The following LINGO2 variants were observed in gnomAD, a reference collection of about 807,000 sequenced individuals.
The protein encoded by LINGO2 is leucine-rich repeat and immunoglobulin-like domain-containing nogo receptor-interacting protein 2.
In LINGO2, 14 loss-of-function variants were observed where a neutral mutation model predicts 30.6. The ratio of observed to expected loss-of-function variants is 0.46; its 90% CI spans 0.30 to 0.72. The LOEUF is 0.72. Among genes scored for constraint, LINGO2 ranks in the 30% least tolerant of loss-of-function variants. The probability of loss-of-function intolerance (pLI) is 0.07; values close to 1 mark genes in which losing one functional copy is unlikely to be tolerated. For synonymous variants in LINGO2, 317 were observed against 288.5 expected (o/e 1.10, Z -1.00); for missense variants, 729 against 751.7 (o/e 0.97, Z 0.35).
chr9:28,265,969 A>G (rs142941810), intron 4 of LINGO2, among the ~76,000 whole-genome samples: 2 of 152,120 alleles, frequency 1.3e-5, no homozygotes, highest in South Asian at 4.1e-4. Context: ...AGAATCTGAG[A>G]TGATAAGGAT....
chr9:29,098,710 T>C, the LINGO2 span, among the ~76,000 whole-genome samples: 1 of 152,164 alleles, frequency 6.6e-6, no homozygotes, highest in Non-Finnish European at 1.5e-5. Flanking sequence ...ACTGCTGATA[T>C]TGTACTTTAT....
chr9:28,374,855 C>T (rs1009198935), intron 2 of LINGO2, among the ~76,000 whole-genome samples: 2 of 151,910 alleles, frequency 1.3e-5, no homozygotes, highest in Admixed American at 1.3e-4. Flanking sequence ...CAAATTGACC[C>T]ACCTCGACCA....
At chr9:28,466,928 T>C (rs550087725) in intron 2 of LINGO2, among the ~76,000 whole-genome samples, 12 of 152,208 alleles carry the variant, frequency 7.9e-5, no homozygotes, top group African/African-American at 2.6e-4. Context: ...CTAAAATTAT[T>C]GTTTATACAC....
At chr9:29,176,960 T>A in the LINGO2 span, among the ~76,000 whole-genome samples, 1 of 152,182 alleles carries the variant, frequency 6.6e-6, no homozygotes, top group East Asian at 1.9e-4. Context: ...GGATTGGGTG[T>A]TTTAGCCCTA....
chr9:28,239,386 A>C (rs905810107), intron 4 of LINGO2, among the ~76,000 whole-genome samples: 5 of 152,160 alleles, frequency 3.3e-5, no homozygotes, highest in Non-Finnish European at 7.4e-5. Context: ...AAAAATACTC[A>C]ACAAAATACT....
At chr9:28,154,021 A>G (rs1437744319) in intron 4 of LINGO2, among the ~76,000 whole-genome samples, 2 of 152,130 alleles carry the variant, frequency 1.3e-5, no homozygotes, top group Admixed American at 6.5e-5. Flanking sequence ...AATGCTTAGA[A>G]AGACTCATCA....
chr9:28,109,911 A>G (rs1826722640), intron 4 of LINGO2, among the ~76,000 whole-genome samples: 2 of 152,224 alleles, frequency 1.3e-5, no homozygotes. Flanking sequence ...TTTCATATGG[A>G]ACCAAAACAG....
chr9:27,981,451 T>C (rs2118905193), intron 5 of LINGO2, among the ~76,000 whole-genome samples: 1 of 148,674 alleles, frequency 6.7e-6, no homozygotes, highest in Admixed American at 6.8e-5. Flanking sequence ...CCTCACACTG[T>C]TCCCAGTGGC....
At chr9:28,343,412 T>C (rs944985231) in intron 3 of LINGO2, among the ~76,000 whole-genome samples, 2 of 152,202 alleles carry the variant, frequency 1.3e-5, no homozygotes, top group African/African-American at 2.4e-5. Context: ...GGTCTGCCTA[T>C]TCTGTATTGA....
the LINGO2 span, among the ~76,000 whole-genome samples, chr9:28,971,726 C>A: frequency 6.6e-6 from 1 of 152,208 alleles, no homozygotes; most frequent in Non-Finnish European, 1.5e-5. Flanking sequence ...GAACTTGGTG[C>A]CCTGAATGTA....
the LINGO2 span, among the ~76,000 whole-genome samples, chr9:29,187,214 G>A: frequency 6.6e-6 from 1 of 152,140 alleles, no homozygotes; most frequent in Admixed American, 6.5e-5. Flanking sequence ...TATAAGTCCA[G>A]TGAAATTCTA....
chr9:28,563,658 T>C, intron 1 of LINGO2, among the ~76,000 whole-genome samples: 1 of 150,868 alleles, frequency 6.6e-6, no homozygotes, highest in African/African-American at 2.5e-5. Context: ...AATTGATGAG[T>C]GCTTTCTCTG....
At chr9:29,117,137 C>A in the LINGO2 span, among the ~76,000 whole-genome samples, 2 of 152,084 alleles carry the variant, frequency 1.3e-5, no homozygotes, top group Non-Finnish European at 2.9e-5. Flanking sequence ...AGGTCAGATT[C>A]TCTGGAAGCA....
chr9:29,035,699 T>C, the LINGO2 span, among the ~76,000 whole-genome samples: 64 of 151,568 alleles, frequency 4.2e-4, no homozygotes, highest in Non-Finnish European at 7.8e-4. Flanking sequence ...GGAAAATAAA[T>C]GATGTTAAGA....
chr9:28,848,842 C>T, the LINGO2 span, among the ~76,000 whole-genome samples: 4 of 151,794 alleles, frequency 2.6e-5, no homozygotes, highest in South Asian at 8.3e-4. Flanking sequence ...CTCTCCTTCC[C>T]TCCTTCTATG....
chr9:28,647,124 T>C (rs914083030), intron 1 of LINGO2, among the ~76,000 whole-genome samples: 1 of 152,110 alleles, frequency 6.6e-6, no homozygotes, highest in South Asian at 2.1e-4. Flanking sequence ...ACTGCCATGA[T>C]TGATACCTGG....
downstream of LINGO2, chr9:27,943,811 A>G (rs913317387): frequency 1.3e-5 from 2 of 152,164 alleles, no homozygotes; most frequent in Non-Finnish European, 2.9e-5. Flanking sequence ...ATGTGGGGGA[A>G]TACCAAAGCT....
chr9:28,600,701 T>G (rs1285834779), intron 1 of LINGO2, among the ~76,000 whole-genome samples: 1 of 152,096 alleles, frequency 6.6e-6, no homozygotes, highest in Non-Finnish European at 1.5e-5. Context: ...GAAGCATTTT[T>G]AATAACTTAA....
chr9:28,331,387 A>G (rs1825413070), intron 3 of LINGO2, among the ~76,000 whole-genome samples: 1 of 152,172 alleles, frequency 6.6e-6, no homozygotes, highest in South Asian at 2.1e-4. Flanking sequence ...CTAAATATGA[A>G]TCTGTTCTAA....
Sources: gnomAD v4.1 joint callset for allele counts (sites outside exome capture counted in the v4.1 genomes callset) on GRCh38, gnomAD v4.1.1 for gene constraint, MANE v1.5 for transcripts, NCBI Gene and HGNC (gene_info 2026-07-23, HGNC 2026-07-21) for gene names.